Variants in TNRC6C observed in about 807,000 individuals in gnomAD.
TNRC6C encodes the protein trinucleotide repeat-containing gene 6C protein.
In TNRC6C, 20 loss-of-function variants were observed where a neutral mutation model predicts 153.7. That is an observed-to-expected ratio of 0.13 (90% CI 0.09 to 0.19). The LOEUF (loss-of-function observed/expected upper bound fraction) is 0.19. TNRC6C is among the 10% of genes least tolerant of loss of function. TNRC6C has a pLI of 1.00. For missense variants in TNRC6C, 1,987 were observed against 2,172.0 expected (o/e 0.91, Z 1.69); for synonymous variants, 811 against 841.4 (o/e 0.96, Z 0.63).
At chr17:78,000,917 C>T (rs1440403632), upstream of TNRC6C, among the ~76,000 whole-genome samples, 3 of 152,114 alleles carry the variant, frequency 2.0e-5, no homozygotes, top group Non-Finnish European at 4.4e-5. Context: ...CTCAGTCTAC[C>T]TACATAATTT....
intron 2 of TNRC6C, among the ~76,000 whole-genome samples, chr17:78,039,081 A>G (rs2072239423): frequency 6.6e-6 from 1 of 152,220 alleles, no homozygotes; most frequent in Non-Finnish European, 1.5e-5. Flanking sequence ...TCCTCTGCCC[A>G]GTGGCATGAA....
chr17:78,006,561 C>CTTCCTTCTTCCTT (rs1368496759), intron 1 of TNRC6C, among the ~76,000 whole-genome samples: 1 of 112,048 alleles, frequency 8.9e-6, no homozygotes, highest in Non-Finnish European at 1.8e-5. Flanking sequence ...TCTTCTTCTT[C>CTTCCTTCTTCCTT]CTTCTTCCTT....
chr17:78,050,212 T>G (rs756171360), exon 3 of TNRC6C: 1 of 1,538,344 alleles, frequency 6.5e-7, no homozygotes, highest in South Asian at 1.3e-5. Flanking sequence ...ACACATGAAC[T>G]CCTGGGCCAA....
chr17:78,037,723 A>G (rs1289919647), intron 2 of TNRC6C, among the ~76,000 whole-genome samples: 1 of 152,218 alleles, frequency 6.6e-6, no homozygotes, highest in Non-Finnish European at 1.5e-5. Context: ...ATAGTAATAA[A>G]CCAGCATAAA....
At chr17:78,025,430 T>C (rs1021821559) in intron 1 of TNRC6C, among the ~76,000 whole-genome samples, 21 of 152,204 alleles carry the variant, frequency 1.4e-4, no homozygotes, top group African/African-American at 4.8e-4. Flanking sequence ...TGATAACTAA[T>C]TTTTTTAAAT....
intron 2 of TNRC6C, among the ~76,000 whole-genome samples, chr17:78,043,338 G>C (rs16970766): frequency 0.053 from 8,114 of 152,302 alleles, 332 homozygotes; most frequent in East Asian, 0.18. Flanking sequence ...AGAGGTGGGA[G>C]AAAAGAGATG....
At chr17:78,004,691 G>A (rs893767945), upstream of TNRC6C, among the ~76,000 whole-genome samples, 6 of 152,028 alleles carry the variant, frequency 3.9e-5, no homozygotes, top group Non-Finnish European at 8.8e-5. Flanking sequence ...AAGCCCTACT[G>A]TAAACTTCAT....
At chr17:78,057,308 G>T (rs1194959240) in intron 3 of TNRC6C, among the ~76,000 whole-genome samples, 1 of 152,150 alleles carries the variant, frequency 6.6e-6, no homozygotes, top group Non-Finnish European at 1.5e-5. Context: ...GCCTTCTTTT[G>T]CAGTGAGAGC....
chr17:78,072,621 A>G (rs2073018236), intron 6 of TNRC6C, among the ~76,000 whole-genome samples: 1 of 152,216 alleles, frequency 6.6e-6, no homozygotes, highest in Non-Finnish European at 1.5e-5. Context: ...AGTGGCTCAC[A>G]CCTGTAATCC....
At chr17:78,074,409 T>C (rs563716581) in intron 7 of TNRC6C, among the ~76,000 whole-genome samples, 5 of 152,276 alleles carry the variant, frequency 3.3e-5, no homozygotes, top group African/African-American at 1.2e-4. Flanking sequence ...AAGTACAGAA[T>C]TCATGAATAA....
Position 77,990,572 on chromosome 17 carries a change from T to C in TNRC6C, c.-37-13598T>C, listed in dbSNP as rs149076947. On this transcript the variant is annotated intron_variant, in intron 1 of 22. Coordinates refer to the TNRC6C transcript ENST00000636222. The stretch of plus-strand genomic sequence containing the variant: ...GTCTCCTTCAGAACTTAGCTCACTT[T>C]CGCAGGAAATCTGTGACCTCCTGAC... 1.7e-3 allele frequency among the ~76,000 whole-genome samples: 255 copies of C among 149,300 alleles called. 1 individual carries two copies. The highest frequency in any genetic ancestry group is 6.0e-3 in the African/African-American group (234 of 38,702).
intron 1 of TNRC6C, among the ~76,000 whole-genome samples, chr17:77,995,665 A>G (rs994764220): frequency 8.5e-5 from 13 of 152,198 alleles, no homozygotes; most frequent in African/African-American, 2.7e-4. Context: ...AGCAAGGACT[A>G]CTGTATCTGA....
At chr17:78,004,467 T>G (rs1305953933), upstream of TNRC6C, among the ~76,000 whole-genome samples, 1 of 152,152 alleles carries the variant, frequency 6.6e-6, no homozygotes, top group East Asian at 1.9e-4. Flanking sequence ...GAACTGGAAG[T>G]GTTAGAGCTG....
At chr17:77,968,965 G>A (rs902034368) in intron 1 of TNRC6C, among the ~76,000 whole-genome samples, 4 of 152,170 alleles carry the variant, frequency 2.6e-5, no homozygotes, top group Admixed American at 1.3e-4. Flanking sequence ...TGAACACAGC[G>A]TTCTTTCATT....
chr17:77,984,368 AC>A (rs1226148085), intron 1 of TNRC6C, among the ~76,000 whole-genome samples: 18 of 142,432 alleles, frequency 1.3e-4, no homozygotes, highest in South Asian at 2.3e-4. Context: ...AAAAAAAAAA[AC>A]AAAAAAAAAA....
rs141438342 is a variant in TNRC6C, at chr17:78,062,188, T to C, written c.2396-2534T>C. ...TTGTCTTTTGTGTAATTAAAGGTAA[T>C]ATTATAGTTAGCAATTGCTGGCGAT... On this transcript the variant is annotated intron_variant, in intron 3 of 19. Transcript: ENST00000301624. 1.6e-4 allele frequency among the ~76,000 whole-genome samples: 25 copies of C among 152,332 alleles called. No individual in the cohort carries two copies. In the East Asian group the frequency reaches 4.0e-3, roughly 25 times the overall value.
At chr17:77,967,682 A>T (rs1436190531) in intron 1 of TNRC6C, among the ~76,000 whole-genome samples, 1 of 152,194 alleles carries the variant, frequency 6.6e-6, no homozygotes, top group East Asian at 1.9e-4. Context: ...ACAATGTGTG[A>T]CGCTTCTCAT....
At chr17:77,985,613 A>C (rs930367305) in intron 1 of TNRC6C, among the ~76,000 whole-genome samples, 12 of 151,902 alleles carry the variant, frequency 7.9e-5, no homozygotes, top group Non-Finnish European at 4.4e-5. Flanking sequence ...AAAAAAAAAA[A>C]AAACCAGCAA....
At chr17:78,088,589 A>G (rs2073338504) in intron 13 of TNRC6C, among the ~76,000 whole-genome samples, 1 of 151,194 alleles carries the variant, frequency 6.6e-6, no homozygotes, top group South Asian at 2.1e-4. Context: ...AGATTAAATG[A>G]GCTAATATGT....
Sources: gnomAD v4.1 joint callset for allele counts (sites outside exome capture counted in the v4.1 genomes callset) on GRCh38, gnomAD v4.1.1 for gene constraint, MANE v1.5 for transcripts, NCBI Gene and HGNC (gene_info 2026-07-23, HGNC 2026-07-21) for gene names.